The following ARHGEF7 variants were observed in gnomAD, a reference collection of about 807,000 sequenced individuals.
The protein encoded by ARHGEF7 is PAK-interacting exchange factor beta.
A neutral mutation model predicts 109.8 loss-of-function variants in ARHGEF7; 33 were observed. The ratio of observed to expected loss-of-function variants is 0.30; its 90% CI spans 0.23 to 0.40. ARHGEF7 has a LOEUF of 0.40. ARHGEF7 is among the 10% of genes least tolerant of loss of function. ARHGEF7 has a pLI of 1.00. For missense variants in ARHGEF7, 938 were observed against 1,098.5 expected, an observed-to-expected ratio of 0.85 and a Z score of 2.07; for synonymous variants, 458 against 424.6, an observed-to-expected ratio of 1.08 and a Z score of -0.97.
intron 2 of ARHGEF7, among the ~76,000 whole-genome samples, chr13:111,201,181 G>A (rs535224684): frequency 8.6e-4 from 131 of 152,250 alleles, no homozygotes; most frequent in African/African-American, 3.0e-3. Flanking sequence ...TCCGACCTAC[G>A]ATTGCAGAAA....
At chr13:111,118,047 T>C (rs2066917851) in intron 1 of ARHGEF7, among the ~76,000 whole-genome samples, 3 of 152,268 alleles carry the variant, frequency 2.0e-5, no homozygotes, top group Admixed American at 1.3e-4. Context: ...TGACCTCTGC[T>C]GCAGGAGTGC....
At chr13:111,186,805 A>G (rs2079306509) in intron 2 of ARHGEF7, 2 of 985,350 alleles carry the variant, frequency 2.0e-6, no homozygotes, top group South Asian at 9.4e-5. Flanking sequence ...GTGAGCCCAG[A>G]AAGTGTGCGC....
intron 1 of ARHGEF7, 64 bp from the exon 2 acceptor site, chr13:111,153,841 C>G: frequency 7.1e-6 from 11 of 1,556,890 alleles, no homozygotes; most frequent in Non-Finnish European, 9.5e-6. Flanking sequence ...GGGCGTCGCT[C>G]GGCCTTGTCC....
At chr13:111,215,284 G>A (rs989405349) in intron 4 of ARHGEF7, among the ~76,000 whole-genome samples, 3 of 152,120 alleles carry the variant, frequency 2.0e-5, no homozygotes, top group African/African-American at 7.2e-5. Context: ...CTGAGGGGGC[G>A]ATCTTGCTGG....
chr13:111,173,415 G>A (rs1267616332), intron 2 of ARHGEF7, among the ~76,000 whole-genome samples: 1 of 152,216 alleles, frequency 6.6e-6, no homozygotes, highest in African/African-American at 2.4e-5. Flanking sequence ...AAAATTACCA[G>A]GAGTTTGACC....
chr13:111,172,070 G>A (rs150058261), intron 2 of ARHGEF7, among the ~76,000 whole-genome samples: 1 of 152,348 alleles, frequency 6.6e-6, no homozygotes, highest in Non-Finnish European at 1.5e-5. Context: ...GCCCAAGGCA[G>A]TGGCAGAGAG....
intron 8 of ARHGEF7, chr13:111,265,785 A>AG (rs1288648723): frequency 7.7e-5 from 35 of 453,178 alleles, no homozygotes; most frequent in Non-Finnish European, 8.8e-6. Flanking sequence ...AACAGCTGTG[A>AG]GGGAGCTGTT....
At chr13:111,192,233 A>G (rs573062056) in intron 2 of ARHGEF7, among the ~76,000 whole-genome samples, 3 of 152,220 alleles carry the variant, frequency 2.0e-5, no homozygotes, top group Non-Finnish European at 4.4e-5. Flanking sequence ...GGTGAATCCA[A>G]GATTCCACTC....
At chr13:111,215,790 T>C (rs759311571) in intron 4 of ARHGEF7, among the ~76,000 whole-genome samples, 5 of 152,200 alleles carry the variant, frequency 3.3e-5, no homozygotes, top group African/African-American at 7.2e-5. Context: ...TACTTGAATC[T>C]CTCTTGGTTG....
intron 15 of ARHGEF7, among the ~76,000 whole-genome samples, chr13:111,282,226 C>T (rs1422268173): frequency 2.0e-5 from 3 of 152,044 alleles, no homozygotes; most frequent in African/African-American, 4.8e-5. Context: ...TTGAAGGTCG[C>T]GCACTTCCTC....
At chr13:111,120,227 G>A (rs909804353) in intron 1 of ARHGEF7, among the ~76,000 whole-genome samples, 1 of 152,184 alleles carries the variant, frequency 6.6e-6, no homozygotes, top group African/African-American at 2.4e-5. Context: ...GCATTTGCTG[G>A]CTCACTAAAA....
intron 2 of ARHGEF7, among the ~76,000 whole-genome samples, chr13:111,192,451 C>T (rs1026150408): frequency 1.3e-5 from 2 of 152,130 alleles, no homozygotes; most frequent in Admixed American, 6.5e-5. Context: ...ATATCTTTGA[C>T]GAAGTTGGCC....
chr13:111,289,264 C>T (rs1443522475), intron 18 of ARHGEF7, among the ~76,000 whole-genome samples: 1 of 152,200 alleles, frequency 6.6e-6, no homozygotes, highest in Non-Finnish European at 1.5e-5. Context: ...GAACTCCTGA[C>T]CTCAGGTGAT....
chr13:111,296,728 T>G (rs544684166), intron 19 of ARHGEF7, among the ~76,000 whole-genome samples: 2 of 152,300 alleles, frequency 1.3e-5, no homozygotes, highest in East Asian at 1.9e-4. Flanking sequence ...ATTTCAGAAA[T>G]GCTGAATGAA....
At chr13:111,133,407 T>C (rs1656376518) in intron 1 of ARHGEF7, among the ~76,000 whole-genome samples, 1 of 152,144 alleles carries the variant, frequency 6.6e-6, no homozygotes, top group African/African-American at 2.4e-5. Context: ...CGCATGTATA[T>C]GTATGCACAT....
At chr13:111,149,808 T>C (rs1267200527) in intron 1 of ARHGEF7, among the ~76,000 whole-genome samples, 1 of 152,204 alleles carries the variant, frequency 6.6e-6, no homozygotes, top group Non-Finnish European at 1.5e-5. Context: ...GTGAACATGC[T>C]TTATACTGTA....
chr13:111,223,821 C>T (rs1175543576), intron 5 of ARHGEF7, among the ~76,000 whole-genome samples: 1 of 150,374 alleles, frequency 6.7e-6, no homozygotes, highest in Non-Finnish European at 1.5e-5. Flanking sequence ...TTCTGTGCAC[C>T]TTTTTTGGTT....
intron 2 of ARHGEF7, among the ~76,000 whole-genome samples, chr13:111,187,310 G>A (rs2079368541): frequency 6.6e-6 from 1 of 152,204 alleles, no homozygotes; most frequent in African/African-American, 2.4e-5. Flanking sequence ...CCAGCGAGAT[G>A]CATCTGAGGT....
intron 5 of ARHGEF7, among the ~76,000 whole-genome samples, chr13:111,230,192 C>CT (rs1053120231): frequency 6.6e-6 from 1 of 152,108 alleles, no homozygotes; most frequent in African/African-American, 2.4e-5. Flanking sequence ...GGAAGACTTG[C>CT]TGCCCCAGTC....
Sources: allele counts gnomAD v4.1 joint callset (sites outside exome capture counted in the v4.1 genomes callset), GRCh38; gene constraint gnomAD v4.1.1; transcripts MANE v1.5; gene names NCBI Gene and HGNC (gene_info 2026-07-23, HGNC 2026-07-21).